The following RNF207 variants were observed in gnomAD, a reference collection of about 807,000 sequenced individuals.
The protein encoded by RNF207 is ring finger protein 207, also known as OTTHUMG00000001089.
Under a neutral mutation model 79.0 loss-of-function variants are expected in RNF207, and 72 were observed. That is an observed-to-expected ratio of 0.91 (90% CI 0.75 to 1.11). The LOEUF is 1.11. RNF207 is among the 50% of genes least tolerant of loss of function. RNF207 has a pLI of 0.00. For missense variants in RNF207, 936 were observed against 855.8 expected (o/e 1.09, Z -1.17); for synonymous variants, 348 against 366.2 (o/e 0.95, Z 0.57).
At chr1:6,213,905 A>G (rs1668270851) in intron 16 of RNF207, among the ~76,000 whole-genome samples, 3 of 152,154 alleles carry the variant, frequency 2.0e-5, no homozygotes, top group Admixed American at 2.0e-4. Context: ...GCCCCAGGAT[A>G]GACTGGTTGC....
At chr1:6,208,674 T>A in intron 3 of RNF207, 1 of 512,168 alleles carries the variant, frequency 2.0e-6, no homozygotes, top group African/African-American at 2.5e-5. Flanking sequence ...TCCACGGACC[T>A]ACTTACCCAG....
At chr1:6,206,418 G>C in intron 1 of RNF207, 116 bp downstream of exon 1, 1 of 696,006 alleles carries the variant, frequency 1.4e-6, no homozygotes, top group Non-Finnish European at 2.4e-6. Context: ...ATGACCTCTG[G>C]ACGCCCAGTC....
Position 6,207,279 on chromosome 1 carries a change from C to A in RNF207, c.192-100C>A. 1 of 1,284,692 alleles carries A rather than the reference C, an allele frequency of 7.8e-7. No homozygotes were observed. The highest frequency in any genetic ancestry group is 2.4e-5 in the East Asian group (1 of 41,700). The allele number at this position is 1,284,692 out of a possible 1,614,324, so 79.6% of individuals were successfully genotyped here. ...CAGAGCTGTGGTGCACCCCACCTCCCAACACAGCTATTTTTAGCTCCAGCC... is the reference window on the plus strand; with the variant it reads ...CAGAGCTGTGGTGCACCCCACCTCCAAACACAGCTATTTTTAGCTCCAGCC... On this transcript the variant is annotated intron_variant, in intron 2 of 17. Coordinates refer to ENST00000377939, the MANE Select transcript of RNF207 (RefSeq NM_207396.3). The surrounding 1 kb of genome is among the most constrained non-coding windows in gnomAD (Gnocchi z 4.5).
rs1431766586 is a variant in RNF207 at position 6,217,398 on chromosome 1, G to T, written c.1653-891G>T. Among the ~76,000 whole-genome samples the T allele has an allele frequency of 6.6e-6, 1 of 152,084 alleles. No homozygotes were observed. Among genetic ancestry groups the T allele is most frequent in the Non-Finnish European group, 1.5e-5 (1 of 68,016 alleles). On this transcript the variant is annotated intron_variant, in intron 16 of 17. Transcript: ENST00000377939. The surrounding 1 kb of genome is among the most constrained non-coding windows in gnomAD (Gnocchi z 4.2). Reference sequence around the variant, plus strand: ...GACCCCATCATGACGCAGACCCCCAGCTCCCGCTCCAGCACAGTGCTTACC... The same window carrying T: ...GACCCCATCATGACGCAGACCCCCATCTCCCGCTCCAGCACAGTGCTTACC...
Position 6,211,161 on chromosome 1 carries a change from T to A in RNF207, c.1109+43T>A. ...AGGCCAGGCACAAGGTCCCCAACAC[T>A]GGGGTGTGGGGGAGGGTGGGCGCTG... On this transcript the variant is annotated intron_variant, in intron 12 of 17. Coordinates refer to ENST00000377939, the MANE Select transcript of RNF207 (RefSeq NM_207396.3). This position sits in a 1 kb window ranked among gnomAD's most constrained non-coding sequence, Gnocchi z 4.2. The A allele has an allele frequency of 7.5e-7, 1 of 1,341,784 alleles. No homozygotes were observed. Among genetic ancestry groups the A allele is most frequent in the Non-Finnish European group, 1.0e-6 (1 of 975,924 alleles). 83.1% of individuals were successfully genotyped at this position (1,341,784 alleles called of 1,614,324 possible).
rs1334836758 is a variant in RNF207 at position 6,209,955 on chromosome 1, T to C, written c.785T>C (p.Leu262Pro). Residue 262 changes from leucine to proline, a missense_variant, in exon 8 of 18, where the codon CTG becomes CCG. By Grantham distance (98) the Leu-to-Pro change is moderately conservative. Coordinates refer to ENST00000377939, the MANE Select transcript of RNF207 (RefSeq NM_207396.3). ...DRLAERKALLLQAVQSQYEEK... is the reference protein window; with the variant it reads ...DRLAERKALLPQAVQSQYEEK... ...CTGGCAGAGAGGAAAGCGCTGCTGC[T>C]GCAGGCTGTGCAGAGGTGAGTTGGG... is the stretch of plus-strand genomic sequence containing the variant. The C allele has an allele frequency of 3.8e-6, 6 of 1,591,886 alleles. No homozygotes were observed. The East Asian group carries it at 9.0e-5, about 24-fold the overall frequency.
At position 6,210,867 on chromosome 1, in the gene RNF207, C is replaced by T. The variant is rs754850956; in HGVS notation, c.943-3C>T. 32 of 1,596,296 alleles carry T rather than the reference C, an allele frequency of 2.0e-5. No homozygotes were observed. In the Admixed American group the frequency reaches 5.4e-4, roughly 27 times the overall value. ...CGGCCTGAGGCCCTCCTCACTGCCA[C>T]AGGAGCTGATGGAGAGGCTGCAGGG... On this transcript the variant is annotated splice_region_variant and splice_polypyrimidine_tract_variant and intron_variant, in intron 10 of 17. Transcript: ENST00000377939.
At position 6,211,666 on chromosome 1, in the gene RNF207, A is replaced by T. The variant is rs1410610950; in HGVS notation, c.1110-201A>T. Among the ~76,000 whole-genome samples, 1 of 151,974 alleles carries T rather than the reference A, an allele frequency of 6.6e-6. No homozygotes were observed. The highest frequency in any genetic ancestry group is 1.9e-4 in the East Asian group (1 of 5,170). ...CTCTTGGCCCCACATCCTGGAACCCACTCCAGGGACTTTAAAAAATAGATG... is the reference window on the plus strand; with the variant it reads ...CTCTTGGCCCCACATCCTGGAACCCTCTCCAGGGACTTTAAAAAATAGATG... On this transcript the variant is annotated intron_variant, in intron 12 of 17. Coordinates refer to ENST00000377939, the MANE Select transcript of RNF207 (RefSeq NM_207396.3). This position sits in a 1 kb window ranked among gnomAD's most constrained non-coding sequence, Gnocchi z 4.2.
rs570644394 is a variant in RNF207, at chr1:6,213,237, G to A, written c.1652+54G>A. 1.1e-3 allele frequency: 1,375 copies of A among 1,203,024 alleles called. 26 individuals are homozygous for A. The South Asian group carries it at 0.017, about 15-fold the overall frequency. The allele number at this position is 1,203,024 out of a possible 1,614,324, so 74.5% of individuals were successfully genotyped here. ...ACTGAGACTCTTCAGAATGTGCATG[G>A]GGGCTGGGTGCGGTGGCTCACGCCT... On this transcript the variant is annotated intron_variant, in intron 16 of 17. Transcript: ENST00000377939.
At position 6,209,285 on chromosome 1, in the gene RNF207, G is replaced by T; in HGVS notation, c.569G>T (p.Cys190Phe). The stretch of plus-strand genomic sequence containing the variant: ...TTCTGCAGGGAGAGCCGGGCACACT[G>T]CGTGGACCTGGAATCGGCTTACGTG... ...RDMQKESRAHCVDLESAYVQG... is the reference protein window; with the variant it reads ...RDMQKESRAHFVDLESAYVQG... Residue 190 changes from cysteine to phenylalanine, a missense_variant, in exon 6 of 18, where the codon TGC becomes TTC. Transcript: ENST00000377939. The T allele has an allele frequency of 6.5e-7, 1 of 1,548,788 alleles. No individual in the cohort carries two copies. Among genetic ancestry groups the T allele is most frequent in the Non-Finnish European group, 8.7e-7 (1 of 1,146,682 alleles).
Position 6,213,157 on chromosome 1 carries a change from C to G in RNF207, c.1626C>G (p.Ala542=). Residue 542 remains alanine (A), a synonymous_variant, in exon 16 of 18, where the codon GCC becomes GCG. Coordinates refer to ENST00000377939, the MANE Select transcript of RNF207 (RefSeq NM_207396.3). ...KQITPYVRSI[A]KVKERLEPRF... ...TCACGCCCTACGTCCGCTCCATTGC[C>G]AAGGTGAAGGAGCGGCTGGAGCCCA... 6.2e-7 allele frequency: 1 copy of G among 1,612,756 alleles called. No homozygotes were observed. The highest frequency in any genetic ancestry group is 8.5e-7 in the Non-Finnish European group (1 of 1,179,336).
chr1:6,211,992 T>C lies in RNF207; in HGVS notation c.1235T>C (p.Leu412Pro). Residue 412 changes from leucine (L) to proline (P), a missense_variant, in exon 13 of 18, where the codon CTG becomes CCG. Physicochemically the swap from Leu to Pro is moderately conservative, Grantham distance 98. Coordinates refer to ENST00000377939, the MANE Select transcript of RNF207 (RefSeq NM_207396.3). The surrounding 1 kb of genome is among the most constrained non-coding windows in gnomAD (Gnocchi z 4.2). Reference protein sequence around the residue: ...LHRSISTKVLLAEGENTPFAE... With the variant: ...LHRSISTKVLPAEGENTPFAE... ...CGGTCCATCAGCACCAAGGTGCTGCTGGCGGAGGGCGAGAACACGCCCTTC... is the reference window on the plus strand; with the variant it reads ...CGGTCCATCAGCACCAAGGTGCTGCCGGCGGAGGGCGAGAACACGCCCTTC... The C allele has an allele frequency of 6.3e-7, 1 of 1,587,598 alleles. No homozygotes were observed. Among genetic ancestry groups the C allele is most frequent in the Non-Finnish European group, 8.6e-7 (1 of 1,168,070 alleles).
chr1:6,210,661 G>A (rs908875720), intron 10 of RNF207: 11 of 639,998 alleles, frequency 1.7e-5, no homozygotes, highest in Admixed American at 2.5e-5. Context: ...CCCGTGGGGC[G>A]GAGTGACCAC....
intron 1 of RNF207, 56 bp from the exon 2 acceptor site, chr1:6,206,480 G>A (rs997828173): frequency 3.0e-6 from 4 of 1,352,380 alleles, no homozygotes; most frequent in South Asian, 1.4e-5. Context: ...GGGGCCGCGG[G>A]AGCTCAAGCG....
At chr1:6,216,773 T>A (rs1479635402) in intron 16 of RNF207, among the ~76,000 whole-genome samples, 1 of 150,578 alleles carries the variant, frequency 6.6e-6, no homozygotes, top group African/African-American at 2.4e-5. Context: ...TTTCACCATG[T>A]TAGCCAGGAT....
rs144139448 is a variant in RNF207, at chr1:6,214,630, C to CTTTTTTTTTTTTTTTT, written c.1652+1455_1652+1470dup. On this transcript the variant is annotated intron_variant, in intron 16 of 17. Transcript: ENST00000377939. The stretch of plus-strand genomic sequence containing the variant: ...GTTGGCCAGGCTGGAATATTTCTTT[C>CTTTTTTTTTTTTTTTT]TTTTTTTTTTTTTTTTTTTTTTTGA... Among the ~76,000 whole-genome samples, 40 of 70,656 alleles carry CTTTTTTTTTTTTTTTT rather than the reference C, an allele frequency of 5.7e-4. 7 individuals carry two copies. The highest frequency in any genetic ancestry group is 2.2e-3 in the African/African-American group (32 of 14,648). 46.4% of individuals were successfully genotyped at this position (70,656 alleles called of 152,430 possible). A position where few individuals can be genotyped will look rare whatever the true frequency, so the allele number is the denominator to read the frequency against.
At chr1:6,208,804 G>A in intron 3 of RNF207, 77 bp from the exon 4 acceptor site, 1 of 1,424,910 alleles carries the variant, frequency 7.0e-7, no homozygotes, top group Non-Finnish European at 9.3e-7. Flanking sequence ...AACACGCGCA[G>A]TGACACGCGG....
At position 6,219,438 on chromosome 1, in the gene RNF207, T is replaced by C; in HGVS notation, c.*31T>C. ...GGGACCGGTCCCCAGGGTCAGGCTC[T>C]TAGAGCAGGCACAAGACTGGGACAC... is the stretch of plus-strand genomic sequence containing the variant. On this transcript the variant is annotated 3_prime_UTR_variant, in exon 18 of 18. Coordinates refer to ENST00000377939, the MANE Select transcript of RNF207 (RefSeq NM_207396.3). The C allele has an allele frequency of 2.6e-6, 4 of 1,537,060 alleles. No homozygotes were observed. The highest frequency in any genetic ancestry group is 3.5e-6 in the Non-Finnish European group (4 of 1,130,576).
At chr1:6,216,946 T>A (rs12073033) in intron 16 of RNF207, among the ~76,000 whole-genome samples, 1 of 151,994 alleles carries the variant, frequency 6.6e-6, no homozygotes, top group African/African-American at 2.4e-5. Context: ...CACAGCTCAC[T>A]GCAGCCGCGA....
Sources: gnomAD v4.1 joint callset for allele counts (sites outside exome capture counted in the v4.1 genomes callset) on GRCh38, gnomAD v4.1.1 for gene constraint, Gnocchi (gnomAD v3.1) non-coding constraint, MANE v1.5 for transcripts, NCBI Gene and HGNC (gene_info 2026-07-23, HGNC 2026-07-21) for gene names.